Variants in RBM4 observed in about 807,000 individuals in gnomAD.
RBM4 encodes RNA binding motif protein 4, also known as RNA-binding protein 4.
In RBM4, 7 loss-of-function variants were observed where a neutral mutation model predicts 29.5. The ratio of observed to expected loss-of-function variants is 0.24; its 90% CI spans 0.14 to 0.45. The LOEUF is 0.45. Ranked by LOEUF, RBM4 falls within the 20% of genes least tolerant of loss-of-function variation. The pLI is 1.00. For synonymous variants in RBM4, 220 were observed against 205.4 expected, an observed-to-expected ratio of 1.07 and a Z score of -0.61; for missense variants, 387 against 502.3, an observed-to-expected ratio of 0.77 and a Z score of 2.19.
rs747251184 is a variant in RBM4, at chr11:66,644,115, C to G, written c.1078C>G (p.Arg360Gly). ...GCGGGAGCAGTATGCCGATCGGGCGCGGTACTCAGCCTTTTAAAGCTTGAG... is the reference window on the plus strand; with the variant it reads ...GCGGGAGCAGTATGCCGATCGGGCGGGGTACTCAGCCTTTTAAAGCTTGAG... The part of the protein sequence containing the change: ...YEREQYADRA[R>G]YSAF Residue 360 changes from arginine (R) to glycine (G), a missense_variant, in exon 3 of 4, where the codon CGG (arginine) becomes GGG (glycine). Around this residue, in one of 2 missense-constraint regions of RBM4, gnomAD observed 281 missense variants for 288.7 expected, o/e 0.97. Coordinates refer to ENST00000310092, the MANE Select transcript of RBM4 (RefSeq NM_002896.4). The G allele has an allele frequency of 6.2e-7, 1 of 1,613,146 alleles. No individual in the cohort carries two copies. The highest frequency in any genetic ancestry group is 8.5e-7 in the Non-Finnish European group (1 of 1,179,586).
At chr11:66,652,838 T>C (rs1938860691) in intron 2 of RBM4, among the ~76,000 whole-genome samples, 1 of 152,194 alleles carries the variant, frequency 6.6e-6, no homozygotes, top group Non-Finnish European at 1.5e-5. Flanking sequence ...CTGACCTGTC[T>C]GAAACATACA....
intron 2 of RBM4, among the ~76,000 whole-genome samples, chr11:66,656,361 C>T (rs751230736): frequency 2.0e-5 from 3 of 151,970 alleles, no homozygotes; most frequent in East Asian, 1.9e-4. Flanking sequence ...AGGATGGTCT[C>T]GATCTCATGA....
At chr11:66,662,113 A>G (rs1939094280) in intron 2 of RBM4, among the ~76,000 whole-genome samples, 1 of 152,258 alleles carries the variant, frequency 6.6e-6, no homozygotes, top group African/African-American at 2.4e-5. Flanking sequence ...GCAATTCTGC[A>G]GGGCTTTTTC....
At chr11:66,657,844 C>A (rs916698779) in intron 2 of RBM4, among the ~76,000 whole-genome samples, 1 of 151,922 alleles carries the variant, frequency 6.6e-6, no homozygotes, top group Non-Finnish European at 1.5e-5. Context: ...TCACCTCAGC[C>A]TCCCGAGTAG....
In RBM4 at chr11:66,644,654, T is replaced by G. The variant is rs906686141; in HGVS notation, c.*8+514T>G. The G allele has an allele frequency of 4.1e-6, 4 of 981,104 alleles. No homozygotes were observed. In the African/African-American group the frequency reaches 7.0e-5, roughly 17 times the overall value. 60.8% of individuals were successfully genotyped at this position (981,104 alleles called of 1,614,324 possible). On this transcript the variant is annotated intron_variant, in intron 3 of 3. Transcript: ENST00000310092. ...CTCAGGTCCCAGTTACTAAGAAGAC[T>G]ACCAAAATGGCATCATCTTAATCTT...
intron 2 of RBM4, among the ~76,000 whole-genome samples, chr11:66,653,652 G>A (rs893176691): frequency 6.6e-5 from 10 of 152,060 alleles, no homozygotes; most frequent in Admixed American, 2.6e-4. Context: ...GTGACCCACC[G>A]CGCCCAACCT....
chr11:66,644,920 A>T (rs1215443077), intron 3 of RBM4, among the ~76,000 whole-genome samples: 1 of 148,990 alleles, frequency 6.7e-6, no homozygotes, highest in African/African-American at 2.5e-5. Flanking sequence ...CCTGTCACTT[A>T]CTTAGGGTTT....
chr11:66,665,682 A>T, intron 2 of RBM4: 1 of 1,514,582 alleles, frequency 6.6e-7, no homozygotes, highest in South Asian at 1.2e-5. Context: ...GGGGAAAAAA[A>T]AGAACAAAAC....
chr11:66,649,842 T>G (rs1056125713), downstream of RBM4: 4 of 686,366 alleles, frequency 5.8e-6, no homozygotes, highest in Admixed American at 2.1e-5. Context: ...CTCCCAGAGT[T>G]TTTGCAGGGA....
chr11:66,639,499 C>T (rs1938346065), intron 1 of RBM4: 4 of 674,450 alleles, frequency 5.9e-6, no homozygotes, highest in Non-Finnish European at 7.4e-6. Flanking sequence ...TTGCAGACGT[C>T]TTCTTATTCT....
At chr11:66,649,840 G>A (rs1368604963), downstream of RBM4, 7 of 686,778 alleles carry the variant, frequency 1.0e-5, no homozygotes, top group Non-Finnish European at 1.8e-5. Context: ...GCCTCCCAGA[G>A]TTTTTGCAGG....
exon 3 of RBM4, chr11:66,668,311 A>C (rs956454932): frequency 1.0e-5 from 3 of 288,902 alleles, no homozygotes; most frequent in Non-Finnish European, 2.0e-5. Context: ...AACAAATGTT[A>C]GATCTCTCAA....
In RBM4 at chr11:66,639,696, C is replaced by A. The variant is rs769239650; in HGVS notation, c.-12-4C>A. 4 of 1,610,160 alleles carry A rather than the reference C, an allele frequency of 2.5e-6. No homozygotes were observed. The Admixed American group carries it at 6.7e-5, about 27-fold the overall frequency. The stretch of plus-strand genomic sequence containing the variant: ...TTGTCAGATGTCTTGTTTTTCTCTC[C>A]CAGGCTCTTGTCAGGATGGTGAAGC... On this transcript the variant is annotated splice_polypyrimidine_tract_variant and splice_region_variant and intron_variant, in intron 1 of 3. Transcript: ENST00000310092.
At position 66,639,954 on chromosome 11, in the gene RBM4, T is replaced by G; in HGVS notation, c.243T>G (p.His81Gln). The G allele has an allele frequency of 6.2e-7, 1 of 1,614,218 alleles. No homozygotes were observed. Among genetic ancestry groups the G allele is most frequent in the Non-Finnish European group, 8.5e-7 (1 of 1,180,048 alleles). The change falls in exon 2 of 4, where the codon CAT becomes CAG. Residue 81 changes from histidine to glutamine, a missense_variant. Coordinates refer to ENST00000310092, the MANE Select transcript of RBM4 (RefSeq NM_002896.4). Reference sequence around the variant, plus strand: ...AGAGCAAAACCTCAACAAAGTTGCATGTGGGCAACATCAGTCCCACCTGCA... The same window carrying G: ...AGAGCAAAACCTCAACAAAGTTGCAGGTGGGCAACATCAGTCCCACCTGCA... ...KNKSKTSTKL[H>Q]VGNISPTCTN...
rs1390960104 is a variant in RBM4, at chr11:66,640,114, G to A, written c.403G>A (p.Glu135Lys). Reference sequence around the variant, plus strand: ...GGCCATCAGGGGCCTTGATAACACAGAGTTTCAAGGTGAACCACCCTCTTT... The same window carrying A: ...GGCCATCAGGGGCCTTGATAACACAAAGTTTCAAGGTGAACCACCCTCTTT... ...VEAIRGLDNT[E>K]FQGKRMHVQL... is the part of the protein sequence containing the mutation. Residue 135 changes from glutamate (E) to lysine (K), a missense_variant, in exon 2 of 4, where the codon GAG becomes AAG. Physicochemically the swap from Glu to Lys is moderately conservative, Grantham distance 56. This residue lies in a region of RBM4 where 106 missense variants were observed against 213.6 expected (regional missense o/e 0.50). Transcript: ENST00000310092. 1.2e-6 allele frequency: 2 copies of A among 1,614,118 alleles called. No individual in the cohort carries two copies. The highest frequency in any genetic ancestry group is 1.7e-6 in the Non-Finnish European group (2 of 1,180,052).
At chr11:66,639,171 C>A (rs1938324692) in intron 1 of RBM4, 1 of 155,818 alleles carries the variant, frequency 6.4e-6, no homozygotes, top group Admixed American at 6.3e-5. Flanking sequence ...GTTCACCACT[C>A]CAGTATTTCC....
chr11:66,658,823 GCTT>G (rs1939013784), intron 2 of RBM4, among the ~76,000 whole-genome samples: 1 of 151,764 alleles, frequency 6.6e-6, no homozygotes, highest in South Asian at 2.1e-4. Flanking sequence ...TGTAGTCCCA[GCTT>G]CTTGGGAGGC....
downstream of RBM4, among the ~76,000 whole-genome samples, chr11:66,648,687 G>A (rs1397171176): frequency 1.3e-5 from 2 of 151,852 alleles, no homozygotes; most frequent in Middle Eastern, 3.4e-3. Context: ...GGTGGCAGGC[G>A]CCTTAATTGT....
intron 3 of RBM4, chr11:66,644,550 T>C (rs1167307763): frequency 2.5e-6 from 1 of 405,934 alleles, no homozygotes; most frequent in Non-Finnish European, 3.4e-6. Flanking sequence ...AAGTTTCCTA[T>C]TCTGTTTTGT....
Sources: gnomAD v4.1 joint callset for allele counts (sites outside exome capture counted in the v4.1 genomes callset) on GRCh38, gnomAD v4.1.1 for gene constraint, gnomAD v4.1.1 regional missense constraint, MANE v1.5 for transcripts, NCBI Gene and HGNC (gene_info 2026-07-23, HGNC 2026-07-21) for gene names.